The following ORC2 variants were observed in gnomAD, a reference collection of about 807,000 sequenced individuals.
The protein encoded by ORC2 is origin recognition complex subunit 2, also known as origin recognition complex protein 2 homolog.
In ORC2, 37 loss-of-function variants were observed where a neutral mutation model predicts 77.7. That is an observed-to-expected ratio of 0.48 (90% CI 0.37 to 0.63). The LOEUF (loss-of-function observed/expected upper bound fraction) is 0.63. Among genes scored for constraint, ORC2 ranks in the 20% least tolerant of loss-of-function variants. The pLI is 0.00. For missense variants in ORC2, 557 were observed against 661.9 expected (o/e 0.84, Z 1.74); for synonymous variants, 201 against 229.5 (o/e 0.88, Z 1.12).
intron 7 of ORC2, among the ~76,000 whole-genome samples, chr2:200,939,294 T>C (rs2041105334): frequency 6.6e-6 from 1 of 152,104 alleles, no homozygotes; most frequent in Admixed American, 6.6e-5. Flanking sequence ...TTGAGATAAC[T>C]TATATATATC....
chr2:200,913,451 T>TTAAA (rs758874749), intron 16 of ORC2, 38 bp from the exon 17 acceptor site: 1 of 1,545,654 alleles, frequency 6.5e-7, no homozygotes, highest in Non-Finnish European at 8.8e-7. Context: ...AAGTCAGCAC[T>TTAAA]TAAGACATGA....
chr2:200,926,725 C>G, intron 12 of ORC2, 43 bp downstream of exon 12: 1 of 1,597,160 alleles, frequency 6.3e-7, no homozygotes, highest in Non-Finnish European at 8.6e-7. Context: ...CTTGAATTGG[C>G]AGAGGATATA....
intron 4 of ORC2, among the ~76,000 whole-genome samples, chr2:200,956,040 T>C (rs2041458071): frequency 2.0e-5 from 3 of 152,196 alleles, no homozygotes; most frequent in Admixed American, 6.5e-5. Context: ...TAGAAAGGTA[T>C]TTTAAATAAG....
In ORC2 at chr2:200,955,169, A is replaced by C. The variant is rs138430708; in HGVS notation, c.238+2232T>G. ...AACAAACATACTACTTTTTTAAGAGACAATTTTTATGATAAAAGTTTCCTT... is the reference window on the plus strand; with the variant it reads ...AACAAACATACTACTTTTTTAAGAGCCAATTTTTATGATAAAAGTTTCCTT... On this transcript the variant is annotated intron_variant, in intron 4 of 17. Transcript: ENST00000234296. 2.4e-3 allele frequency among the ~76,000 whole-genome samples: 373 copies of C among 152,310 alleles called. 4 individuals carry two copies. Among genetic ancestry groups the C allele is most frequent in the African/African-American group, 8.6e-3 (359 of 41,554 alleles).
chr2:200,910,798 T>G lies in ORC2; in HGVS notation c.*503A>C, dbSNP rs1225125518. 6.5e-6 allele frequency: 1 copy of G among 153,420 alleles called. No individual in the cohort carries two copies. The highest frequency in any genetic ancestry group is 1.5e-5 in the Non-Finnish European group (1 of 68,874). The allele number at this position is 153,420 out of a possible 1,614,324, so 9.5% of individuals were successfully genotyped here. ...CTCTTCCCAATCTACACCTTTTAAG[T>G]TGTTTTAGAAACAATAAGAGATGAC... On this transcript the variant is annotated 3_prime_UTR_variant, in exon 18 of 18. Coordinates refer to ENST00000234296, the MANE Select transcript of ORC2 (RefSeq NM_006190.5).
intron 8 of ORC2, among the ~76,000 whole-genome samples, chr2:200,936,405 G>A (rs1363738593): frequency 1.3e-5 from 2 of 152,124 alleles, no homozygotes; most frequent in Admixed American, 6.6e-5. Flanking sequence ...CCTCAATTAC[G>A]GAAGAAAAGC....
At chr2:200,951,173 CTTT>C (rs1342229157) in intron 4 of ORC2, among the ~76,000 whole-genome samples, 1 of 152,112 alleles carries the variant, frequency 6.6e-6, no homozygotes, top group Non-Finnish European at 1.5e-5. Context: ...TTTTAAGGTC[CTTT>C]CATATCTTGT....
chr2:200,929,365 A>T (rs1442866098), intron 11 of ORC2, among the ~76,000 whole-genome samples: 1 of 152,224 alleles, frequency 6.6e-6, no homozygotes, highest in African/African-American at 2.4e-5. Flanking sequence ...ATGGACAGGA[A>T]GGAACAAAAC....
At chr2:200,939,858 G>T (rs1301524050) in intron 7 of ORC2, among the ~76,000 whole-genome samples, 1 of 152,174 alleles carries the variant, frequency 6.6e-6, no homozygotes, top group Non-Finnish European at 1.5e-5. Flanking sequence ...CTAAATTCTT[G>T]ATTAGATTAT....
At chr2:200,940,425 C>T (rs554269522) in intron 7 of ORC2, among the ~76,000 whole-genome samples, 17 of 152,258 alleles carry the variant, frequency 1.1e-4, no homozygotes, top group Non-Finnish European at 2.2e-4. Context: ...GCTCCTTTGG[C>T]ATTTGGGGGA....
chr2:200,913,880 G>A, intron 16 of ORC2, 51 bp downstream of exon 16: 1 of 1,547,486 alleles, frequency 6.5e-7, no homozygotes, highest in Non-Finnish European at 8.7e-7. Flanking sequence ...GACAGGAAAT[G>A]TACAGGGTAA....
At chr2:200,931,264 T>C in intron 11 of ORC2, 75 bp downstream of exon 11, 1 of 614,150 alleles carries the variant, frequency 1.6e-6, no homozygotes, top group South Asian at 2.8e-5. Context: ...AAGAAAAATG[T>C]TAACTTACTT....
chr2:200,915,817 C>G (rs535558685), intron 15 of ORC2, among the ~76,000 whole-genome samples: 1 of 152,170 alleles, frequency 6.6e-6, no homozygotes, highest in African/African-American at 2.4e-5. Flanking sequence ...CCTCAGACTC[C>G]TGAGTAGTTG....
At chr2:200,929,488 G>T (rs772030021) in intron 11 of ORC2, among the ~76,000 whole-genome samples, 21 of 152,088 alleles carry the variant, frequency 1.4e-4, no homozygotes, top group Non-Finnish European at 2.2e-4. Context: ...GTGAGGAAAA[G>T]AATACTTAAG....
At chr2:200,948,846 C>G (rs566432147) in intron 5 of ORC2, among the ~76,000 whole-genome samples, 1 of 152,230 alleles carries the variant, frequency 6.6e-6, no homozygotes, top group South Asian at 2.1e-4. Flanking sequence ...GCTGGGATTA[C>G]AGCCGTGAGC....
chr2:200,928,456 A>G (rs2040881034), intron 11 of ORC2, among the ~76,000 whole-genome samples: 1 of 152,128 alleles, frequency 6.6e-6, no homozygotes, highest in Non-Finnish European at 1.5e-5. Context: ...CAGTAGCTTC[A>G]CTGTAGCTTC....
chr2:200,930,248 A>C (rs2040914876), intron 11 of ORC2, among the ~76,000 whole-genome samples: 1 of 152,196 alleles, frequency 6.6e-6, no homozygotes, highest in Admixed American at 6.5e-5. Context: ...AGAGATTACC[A>C]AGGTCAAAGC....
intron 16 of ORC2, 139 bp from the exon 17 acceptor site, chr2:200,913,552 T>G: frequency 7.4e-7 from 1 of 1,353,834 alleles, no homozygotes; most frequent in South Asian, 1.7e-5. Context: ...ATAGGACTTT[T>G]AAAGAAGGAA....
intron 7 of ORC2, among the ~76,000 whole-genome samples, chr2:200,940,389 T>C (rs992330867): frequency 1.3e-5 from 2 of 152,146 alleles, no homozygotes; most frequent in Admixed American, 6.5e-5. Flanking sequence ...AAACTAAACT[T>C]GTCTGCCTTG....
Sources: allele counts gnomAD v4.1 joint callset (sites outside exome capture counted in the v4.1 genomes callset), GRCh38; gene constraint gnomAD v4.1.1; transcripts MANE v1.5; gene names NCBI Gene and HGNC (gene_info 2026-07-23, HGNC 2026-07-21).